CHMP2B: variants seen among roughly 807,000 people sequenced by gnomAD.
CHMP2B encodes the protein VPS2 homolog B.
CHMP2B carries 22 observed loss-of-function variants against 29.8 expected under a neutral mutation model. The observed-to-expected ratio is 0.74, with a 90% CI of 0.53 to 1.05. CHMP2B has a LOEUF of 1.05. Among genes scored for constraint, CHMP2B ranks in the 50% least tolerant of loss-of-function variants. The probability of loss-of-function intolerance (pLI) is 0.00; values close to 1 mark genes in which losing one functional copy is unlikely to be tolerated. For synonymous variants in CHMP2B, 78 were observed against 75.8 expected (o/e 1.03, Z -0.15); for missense variants, 261 against 252.2 (o/e 1.03, Z -0.24).
intron 3 of CHMP2B, among the ~76,000 whole-genome samples, chr3:87,248,722 C>T (rs1170666662): frequency 2.0e-5 from 3 of 151,018 alleles, no homozygotes; most frequent in African/African-American, 7.3e-5. Flanking sequence ...AATTTAACAG[C>T]ACTGGAAAGC....
intron 1 of CHMP2B, among the ~76,000 whole-genome samples, chr3:87,232,871 CCCATCTCAAAA>C (rs1199631986): frequency 6.6e-6 from 1 of 152,156 alleles, no homozygotes; most frequent in Non-Finnish European, 1.5e-5. Context: ...CTGACATGTG[CCCATCTCAAAA>C]CCATCTTTTA....
At chr3:87,248,355 T>G (rs1706253415) in intron 3 of CHMP2B, among the ~76,000 whole-genome samples, 1 of 151,588 alleles carries the variant, frequency 6.6e-6, no homozygotes, top group Non-Finnish European at 1.5e-5. Context: ...AGTTACCTTA[T>G]TCTTTTTGAG....
chr3:87,249,503 A>G (rs1432550378), intron 3 of CHMP2B, among the ~76,000 whole-genome samples: 1 of 152,040 alleles, frequency 6.6e-6, no homozygotes, highest in Non-Finnish European at 1.5e-5. Flanking sequence ...TAAAATTTTA[A>G]TGAAAGTTTT....
chr3:87,255,411 G>A lies in CHMP2B; in HGVS notation c.*1589G>A, dbSNP rs1060241. Reference sequence around the variant, plus strand: ...TAATAATGCCATCTAACTTATTTACGTTCTTGTTTACATGTGGGAGCTTTT... The same window carrying A: ...TAATAATGCCATCTAACTTATTTACATTCTTGTTTACATGTGGGAGCTTTT... On this transcript the variant is annotated 3_prime_UTR_variant, in exon 6 of 6. Transcript: ENST00000263780. The A allele has an allele frequency of 0.24, 35,929 of 152,056 alleles. 5,314 individuals are homozygous for A. Among genetic ancestry groups the A allele is most frequent in the South Asian group, 0.37 (1,753 of 4,798 alleles). The allele number at this position is 152,056 out of a possible 1,614,324, so 9.4% of individuals were successfully genotyped here. A position where few individuals can be genotyped will look rare whatever the true frequency, so the allele number is the denominator to read the frequency against.
chr3:87,249,723 T>C, intron 3 of CHMP2B, 152 bp from the exon 4 acceptor site: 1 of 492,532 alleles, frequency 2.0e-6, no homozygotes, highest in Non-Finnish European at 3.7e-6. Context: ...ATTTCATTTT[T>C]TTCTAGAATA....
intron 3 of CHMP2B, among the ~76,000 whole-genome samples, chr3:87,246,571 T>C (rs1366460224): frequency 6.6e-6 from 1 of 152,240 alleles, no homozygotes; most frequent in African/African-American, 2.4e-5. Flanking sequence ...CTGACTACTT[T>C]TGAGTGATAA....
At chr3:87,248,587 C>T (rs1706259207) in intron 3 of CHMP2B, among the ~76,000 whole-genome samples, 1 of 151,856 alleles carries the variant, frequency 6.6e-6, no homozygotes. Flanking sequence ...AAACTCCTAG[C>T]CTCAAGTGGC....
rs529159969 is a variant in CHMP2B, at chr3:87,245,997, T to A, written c.321+89T>A. Reference sequence around the variant, plus strand: ...TGAAAGCAGATTTAAAAGCACCTCCTGGTGTATATGTGATACAAAATGTGT... The same window carrying A: ...TGAAAGCAGATTTAAAAGCACCTCCAGGTGTATATGTGATACAAAATGTGT... On this transcript the variant is annotated intron_variant, in intron 3 of 5. Coordinates refer to ENST00000263780, the MANE Select transcript of CHMP2B (RefSeq NM_014043.4). 1.5e-4 allele frequency: 152 copies of A among 1,011,238 alleles called. 2 individuals are homozygous for A. In the South Asian group the frequency reaches 2.2e-3, roughly 14 times the overall value. The allele number at this position is 1,011,238 out of a possible 1,614,324, so 62.6% of individuals were successfully genotyped here. A position where few individuals can be genotyped will look rare whatever the true frequency, so the allele number is the denominator to read the frequency against.
At chr3:87,253,554 C>T in intron 5 of CHMP2B, 44 bp downstream of exon 5, 1 of 1,405,940 alleles carries the variant, frequency 7.1e-7, no homozygotes, top group Non-Finnish European at 1.0e-6. Flanking sequence ...TTTCTGCCTA[C>T]CACGTTTGTC....
In CHMP2B at chr3:87,245,745, G is replaced by C; in HGVS notation, c.158G>C (p.Gly53Ala). The C allele has an allele frequency of 6.2e-7, 1 of 1,613,538 alleles. No individual in the cohort carries two copies. Among genetic ancestry groups the C allele is most frequent in the Non-Finnish European group, 8.5e-7 (1 of 1,179,826 alleles). ...GAAATTAAGAAAATGGCCAAGATTG[G>C]TAATAAGGAAGCTTGCAAAGTTTTA... is the stretch of plus-strand genomic sequence containing the variant. ...ELEIKKMAKI[G>A]NKEACKVLAK... The change falls in exon 3 of 6, where the codon GGT becomes GCT. Residue 53 changes from glycine to alanine, a missense_variant. Physicochemically the swap from Gly to Ala is moderately conservative, Grantham distance 60. Coordinates refer to ENST00000263780, the MANE Select transcript of CHMP2B (RefSeq NM_014043.4).
intron 2 of CHMP2B, among the ~76,000 whole-genome samples, chr3:87,244,365 T>A (rs957743296): frequency 7.2e-5 from 11 of 151,910 alleles, no homozygotes; most frequent in South Asian, 4.2e-4. Context: ...ATATATATAT[T>A]TTTTGTTTAT....
intron 4 of CHMP2B, among the ~76,000 whole-genome samples, chr3:87,252,889 G>A (rs1453215518): frequency 6.6e-6 from 1 of 151,804 alleles, no homozygotes; most frequent in African/African-American, 2.4e-5. Flanking sequence ...CTGTTAAATC[G>A]GACATCATTC....
chr3:87,231,463 T>C (rs561841493), intron 1 of CHMP2B, among the ~76,000 whole-genome samples: 2 of 152,300 alleles, frequency 1.3e-5, no homozygotes, highest in East Asian at 1.9e-4. Flanking sequence ...TGCTTTTCTT[T>C]CCTGTAGCTT....
At position 87,249,967 on chromosome 3, in the gene CHMP2B, T is replaced by C. The variant is rs1421365574; in HGVS notation, c.414T>C (p.Thr138=). The C allele has an allele frequency of 3.2e-6, 5 of 1,552,096 alleles. No homozygotes were observed. The Admixed American group carries it at 8.4e-5, about 26-fold the overall frequency. The part of the protein sequence containing the change: ...FQKENMKMEM[T]EEMINDTLDD... ...AGGAAAACATGAAAATGGAAATGAC[T>C]GAAGAAATGAGTAAGTTTAATAAAT... Residue 138 remains threonine, a synonymous_variant, in exon 4 of 6, where the codon ACT becomes ACC. Transcript: ENST00000263780.
chr3:87,249,915 C>T lies in CHMP2B; in HGVS notation c.362C>T (p.Thr121Ile). Reference protein sequence around the residue: ...AVNKKMDPQKTLQTMQNFQKE... With the variant: ...AVNKKMDPQKILQTMQNFQKE... ...AACAAGAAGATGGATCCACAAAAGA[C>T]ATTACAAACAATGCAGAATTTCCAG... Residue 121 changes from threonine (T) to isoleucine (I), a missense_variant, in exon 4 of 6, where the codon ACA becomes ATA. By Grantham distance (89) the Thr-to-Ile change is moderately conservative. Coordinates refer to ENST00000263780, the MANE Select transcript of CHMP2B (RefSeq NM_014043.4). 1 of 1,607,248 alleles carries T rather than the reference C, an allele frequency of 6.2e-7. No individual in the cohort carries two copies.
At chr3:87,248,866 A>G (rs1199366290) in intron 3 of CHMP2B, among the ~76,000 whole-genome samples, 1 of 151,576 alleles carries the variant, frequency 6.6e-6, no homozygotes, top group Non-Finnish European at 1.5e-5. Flanking sequence ...TGAAATCAAC[A>G]TGTTTCTATT....
Position 87,240,601 on chromosome 3 carries a change from T to C in CHMP2B, c.35-98T>C, listed in dbSNP as rs960568741. ...CATGAGCCACTGCGCCCAGCCAATA[T>C]AAGATTTTTTTAAATCATGATCTGT... On this transcript the variant is annotated intron_variant, in intron 1 of 5. Coordinates refer to ENST00000263780, the MANE Select transcript of CHMP2B (RefSeq NM_014043.4). The C allele has an allele frequency of 1.2e-5, 11 of 891,580 alleles. No homozygotes were observed. The African/African-American group carries it at 1.8e-4, about 15-fold the overall frequency. The allele number at this position is 891,580 out of a possible 1,614,324, so 55.2% of individuals were successfully genotyped here. A position where few individuals can be genotyped will look rare whatever the true frequency, so the allele number is the denominator to read the frequency against.
intron 4 of CHMP2B, among the ~76,000 whole-genome samples, chr3:87,250,653 A>G (rs562585298): frequency 6.6e-6 from 1 of 152,092 alleles, no homozygotes; most frequent in South Asian, 2.1e-4. Context: ...CTTTTTAAAA[A>G]ATAGCTTTAA....
chr3:87,247,712 G>T (rs568154748), intron 3 of CHMP2B, among the ~76,000 whole-genome samples: 194 of 152,282 alleles, frequency 1.3e-3, no homozygotes, highest in Non-Finnish European at 2.5e-3. Flanking sequence ...AGTATTAACT[G>T]TAATTGCATT....
Sources: allele counts gnomAD v4.1 joint callset (sites outside exome capture counted in the v4.1 genomes callset), GRCh38; gene constraint gnomAD v4.1.1; transcripts MANE v1.5; gene names NCBI Gene and HGNC (gene_info 2026-07-23, HGNC 2026-07-21).